GPR39: variants seen among roughly 807,000 people sequenced by gnomAD.
The protein encoded by GPR39 is zinc sensing receptor.
A neutral mutation model predicts 18.4 loss-of-function variants in GPR39; 23 were observed. That is an observed-to-expected ratio of 1.25 (90% CI 0.90 to 1.77). The LOEUF (loss-of-function observed/expected upper bound fraction) is 1.77, where lower values mean the gene tolerates loss of function less well. GPR39 is among the 40% of genes most tolerant of loss of function. The pLI, the probability that GPR39 is intolerant of heterozygous loss-of-function variation, is 0.00. For missense variants in GPR39, 647 were observed against 602.4 expected, an observed-to-expected ratio of 1.07 and a Z score of -0.78; for synonymous variants, 280 against 257.9, an observed-to-expected ratio of 1.09 and a Z score of -0.82.
chr2:132,495,134 G>A (rs991375689), intron 1 of GPR39, among the ~76,000 whole-genome samples: 2 of 152,170 alleles, frequency 1.3e-5, no homozygotes, highest in Non-Finnish European at 2.9e-5. Flanking sequence ...GGTTCAGGGG[G>A]TTGTATAGGG....
At chr2:132,595,370 T>C (rs1011822078) in intron 1 of GPR39, among the ~76,000 whole-genome samples, 1 of 120,582 alleles carries the variant, frequency 8.3e-6, no homozygotes, top group African/African-American at 3.2e-5. Context: ...CTCATGCAGT[T>C]AGTTTGCACT....
chr2:132,417,579 C>G lies in GPR39; in HGVS notation c.537C>G (p.Pro179=). ...PLLFAMGTEY[P]LVNVPSHRGL... ...TGTTTGCCATGGGTACTGAGTACCC[C>G]CTGGTGAACGTGCCCAGCCACCGGG... is the stretch of plus-strand genomic sequence containing the variant. The change falls in exon 1 of 2, where the codon CCC becomes CCG. Residue 179 remains proline (P), a synonymous_variant. Transcript: ENST00000329321. 2 of 1,614,050 alleles carry G rather than the reference C, an allele frequency of 1.2e-6. No individual in the cohort carries two copies. The highest frequency in any genetic ancestry group is 1.1e-5 in the South Asian group (1 of 91,080).
chr2:132,579,574 A>G (rs1680589319), intron 1 of GPR39, among the ~76,000 whole-genome samples: 1 of 152,174 alleles, frequency 6.6e-6, no homozygotes. Context: ...CTATAAGACT[A>G]TGGATGTGTC....
At chr2:132,640,393 G>A (rs1558867860) in intron 1 of GPR39, among the ~76,000 whole-genome samples, 1 of 152,168 alleles carries the variant, frequency 6.6e-6, no homozygotes, top group East Asian at 1.9e-4. Context: ...TGTCATTTTA[G>A]TGTAGTGATC....
chr2:132,572,160 C>A lies in GPR39; in HGVS notation c.857-72941C>A, dbSNP rs145172427. 2.8e-3 allele frequency among the ~76,000 whole-genome samples: 434 copies of A among 152,294 alleles called. 1 individual carries two copies. Among genetic ancestry groups the A allele is most frequent in the African/African-American group, 9.1e-3 (378 of 41,556 alleles). On this transcript the variant is annotated intron_variant, in intron 1 of 1. Transcript: ENST00000329321. The stretch of plus-strand genomic sequence containing the variant: ...TGGCTTTCCTGGGTTATGTTTCTTT[C>A]CTGATCTGCTTTCCGTAGGGGCAGG...
chr2:132,525,876 TG>T (rs1679498713), intron 1 of GPR39, among the ~76,000 whole-genome samples: 1 of 151,644 alleles, frequency 6.6e-6, no homozygotes, highest in Non-Finnish European at 1.5e-5. Flanking sequence ...AAAAAGGGGG[TG>T]GGGGAGCATT....
chr2:132,570,594 C>A (rs1238934645), intron 1 of GPR39, among the ~76,000 whole-genome samples: 1 of 152,160 alleles, frequency 6.6e-6, no homozygotes, highest in Non-Finnish European at 1.5e-5. Context: ...ATCTTAAAAA[C>A]AAGACACATG....
At chr2:132,531,801 T>C (rs1044949408) in intron 1 of GPR39, among the ~76,000 whole-genome samples, 3 of 152,092 alleles carry the variant, frequency 2.0e-5, no homozygotes, top group African/African-American at 7.2e-5. Flanking sequence ...TTGAAACCAA[T>C]GAGAACAAAG....
At chr2:132,540,027 A>G (rs1454300146) in intron 1 of GPR39, among the ~76,000 whole-genome samples, 3 of 152,118 alleles carry the variant, frequency 2.0e-5, no homozygotes, top group Non-Finnish European at 2.9e-5. Flanking sequence ...GGAAGTTGCT[A>G]TTAAGAAGAC....
chr2:132,577,144 C>G (rs543922351), intron 1 of GPR39, among the ~76,000 whole-genome samples: 1 of 151,848 alleles, frequency 6.6e-6, no homozygotes, highest in African/African-American at 2.4e-5. Context: ...ATCACTTGAG[C>G]TCAGGAGTTC....
chr2:132,640,912 G>A (rs1183169494), intron 1 of GPR39, among the ~76,000 whole-genome samples: 1 of 152,090 alleles, frequency 6.6e-6, no homozygotes, highest in Non-Finnish European at 1.5e-5. Flanking sequence ...AATTTTACAA[G>A]GGGTCAAATT....
At chr2:132,633,456 T>C (rs1228228351) in intron 1 of GPR39, among the ~76,000 whole-genome samples, 1 of 151,848 alleles carries the variant, frequency 6.6e-6, no homozygotes, top group Non-Finnish European at 1.5e-5. Flanking sequence ...CTTTGGGCTG[T>C]TAAACAGGCT....
At chr2:132,508,219 T>C (rs1461711822) in intron 1 of GPR39, among the ~76,000 whole-genome samples, 1 of 152,078 alleles carries the variant, frequency 6.6e-6, no homozygotes, top group African/African-American at 2.4e-5. Flanking sequence ...TCCAAGGGTT[T>C]AAAGGCTCCC....
chr2:132,459,705 G>A (rs1349770761), intron 1 of GPR39, among the ~76,000 whole-genome samples: 1 of 152,220 alleles, frequency 6.6e-6, no homozygotes, highest in East Asian at 1.9e-4. Context: ...TTAGATAGCT[G>A]TGTACTTGGC....
At chr2:132,449,150 C>T (rs1168539253) in intron 1 of GPR39, among the ~76,000 whole-genome samples, 4 of 152,342 alleles carry the variant, frequency 2.6e-5, no homozygotes, top group Non-Finnish European at 5.9e-5. Flanking sequence ...CATTGCCACA[C>T]GGCAAGGTTT....
intron 1 of GPR39, among the ~76,000 whole-genome samples, chr2:132,584,281 G>A (rs1292288006): frequency 1.3e-5 from 2 of 152,178 alleles, no homozygotes; most frequent in African/African-American, 4.8e-5. Flanking sequence ...TGAAGTCTTA[G>A]AGGAGCAGCA....
chr2:132,589,286 G>T (rs1487833098), intron 1 of GPR39, among the ~76,000 whole-genome samples: 2 of 152,020 alleles, frequency 1.3e-5, no homozygotes, highest in African/African-American at 2.4e-5. Context: ...CCTCCACATC[G>T]GCTGCCGAGC....
At chr2:132,576,947 ATT>A (rs1680539349) in intron 1 of GPR39, among the ~76,000 whole-genome samples, 1 of 151,836 alleles carries the variant, frequency 6.6e-6, no homozygotes, top group Non-Finnish European at 1.5e-5. Flanking sequence ...TGTTTTCCTT[ATT>A]TTGTTTTATT....
At chr2:132,502,892 A>G (rs1213257436) in intron 1 of GPR39, among the ~76,000 whole-genome samples, 3 of 152,030 alleles carry the variant, frequency 2.0e-5, no homozygotes, top group African/African-American at 7.2e-5. Context: ...TTATTTCTCT[A>G]AGTGTGTCCT....
Sources: allele counts gnomAD v4.1 joint callset (sites outside exome capture counted in the v4.1 genomes callset), GRCh38; gene constraint gnomAD v4.1.1; transcripts MANE v1.5; gene names NCBI Gene and HGNC (gene_info 2026-07-23, HGNC 2026-07-21).